USP6NL: variants seen among roughly 807,000 people sequenced by gnomAD.
USP6NL encodes the protein USP6 N-terminal-like protein.
A neutral mutation model predicts 61.9 loss-of-function variants in USP6NL; 26 were observed. The observed-to-expected ratio is 0.42, with a 90% CI of 0.31 to 0.58. USP6NL has a LOEUF of 0.58. Ranked by LOEUF, USP6NL falls within the 20% of genes least tolerant of loss-of-function variation. USP6NL has a pLI of 0.16. For synonymous variants in USP6NL, 432 were observed against 390.1 expected, an observed-to-expected ratio of 1.11 and a Z score of -1.27; for missense variants, 1,114 against 1,034.3, an observed-to-expected ratio of 1.08 and a Z score of -1.06.
In USP6NL at chr10:11,485,235, C is replaced by T; in HGVS notation, c.760-1G>A. 1 of 1,519,338 alleles carries T rather than the reference C, an allele frequency of 6.6e-7. No homozygotes were observed. Among genetic ancestry groups the T allele is most frequent in the Admixed American group, 2.5e-5 (1 of 40,690 alleles). 94.1% of individuals were successfully genotyped at this position (1,519,338 alleles called of 1,614,324 possible). ...AACTTGTGTAGATTTCTTGAGAATCCTGAAAAAACAAAGAGCTCACAATTT... is the reference window on the plus strand; with the variant it reads ...AACTTGTGTAGATTTCTTGAGAATCTTGAAAAAACAAAGAGCTCACAATTT... On this transcript the variant is annotated splice_acceptor_variant, in intron 11 of 14. Transcript: ENST00000609104. LOFTEE classifies it high-confidence loss of function. This position sits in a 1 kb window ranked among gnomAD's most constrained non-coding sequence, Gnocchi z 4.8.
In USP6NL at chr10:11,465,798, C is replaced by T. The variant is rs1215349945; in HGVS notation, c.1079-1949G>A. Among the ~76,000 whole-genome samples, 2 of 152,066 alleles carry T rather than the reference C, an allele frequency of 1.3e-5. No individual in the cohort carries two copies. The highest frequency in any genetic ancestry group is 4.8e-5 in the African/African-American group (2 of 41,376). On this transcript the variant is annotated intron_variant, in intron 14 of 14. Transcript: ENST00000609104. This position sits in a 1 kb window ranked among gnomAD's most constrained non-coding sequence, Gnocchi z 4.5. Reference sequence around the variant, plus strand: ...ATGAGGCGTTTCTAAGGGCAGCTACCCTTAGCTCTATATCCCCAATCTCAA... The same window carrying T: ...ATGAGGCGTTTCTAAGGGCAGCTACTCTTAGCTCTATATCCCCAATCTCAA...
In USP6NL at chr10:11,487,625, G is replaced by C. The variant is rs556794579; in HGVS notation, c.664+1477C>G. Among the ~76,000 whole-genome samples, 14 of 152,074 alleles carry C rather than the reference G, an allele frequency of 9.2e-5. No individual in the cohort carries two copies. The East Asian group carries it at 2.7e-3, about 29-fold the overall frequency. On this transcript the variant is annotated intron_variant, in intron 10 of 14. Transcript: ENST00000609104. The surrounding 1 kb of genome is among the most constrained non-coding windows in gnomAD (Gnocchi z 4.2). Reference sequence around the variant, plus strand: ...GACAGGGAAGAGCGGCTTTCTTCAAGATGCCTTTTGGAATGATACTGCCTA... The same window carrying C: ...GACAGGGAAGAGCGGCTTTCTTCAACATGCCTTTTGGAATGATACTGCCTA...
At chr10:11,480,470 A>G (rs1484593685) in intron 14 of USP6NL, among the ~76,000 whole-genome samples, 1 of 152,282 alleles carries the variant, frequency 6.6e-6, no homozygotes, top group African/African-American at 2.4e-5. Context: ...ATAAATAAAA[A>G]TAAATGATAG....
intron 14 of USP6NL, among the ~76,000 whole-genome samples, chr10:11,467,177 A>C (rs1205245644): frequency 6.6e-6 from 1 of 152,236 alleles, no homozygotes; most frequent in East Asian, 1.9e-4. Flanking sequence ...TAAGAACAAA[A>C]ATGGAGCACC....
At position 11,513,572 on chromosome 10, in the gene USP6NL, T is replaced by A. The variant is rs950561867; in HGVS notation, c.196-3897A>T. ...TGAGACCCACAGATTATTAACCTTT[T>A]GCTAGATTTCATTTATACTATTTAG... On this transcript the variant is annotated intron_variant, in intron 5 of 14. Coordinates refer to ENST00000609104, the MANE Select transcript of USP6NL (RefSeq NM_014688.5). This position sits in a 1 kb window ranked among gnomAD's most constrained non-coding sequence, Gnocchi z 4.7. Among the ~76,000 whole-genome samples, 1 of 152,252 alleles carries A rather than the reference T, an allele frequency of 6.6e-6. No individual in the cohort carries two copies. The highest frequency in any genetic ancestry group is 2.1e-4 in the South Asian group (1 of 4,836).
intron 14 of USP6NL, among the ~76,000 whole-genome samples, chr10:11,480,305 C>T (rs1369346361): frequency 6.6e-6 from 1 of 152,202 alleles, no homozygotes; most frequent in Non-Finnish European, 1.5e-5. Context: ...GATGCTAAGT[C>T]ACCACCATCG....
rs1833040905 is a variant in USP6NL, at chr10:11,478,064, T to A, written c.1078+3706A>T. Among the ~76,000 whole-genome samples, 1 of 152,234 alleles carries A rather than the reference T, an allele frequency of 6.6e-6. No homozygotes were observed. The stretch of plus-strand genomic sequence containing the variant: ...AAGATAACTGATCAAATATATTGGC[T>A]ACAAAAATATTATTAAAAGGATACC... On this transcript the variant is annotated intron_variant, in intron 14 of 14. Coordinates refer to ENST00000609104, the MANE Select transcript of USP6NL (RefSeq NM_014688.5). This position sits in a 1 kb window ranked among gnomAD's most constrained non-coding sequence, Gnocchi z 6.8.
At chr10:11,492,652 ACTCT>A (rs1395505678) in intron 8 of USP6NL, among the ~76,000 whole-genome samples, 22 of 152,166 alleles carry the variant, frequency 1.4e-4, no homozygotes, top group Non-Finnish European at 2.9e-4. Context: ...TCCTGATTAG[ACTCT>A]CTGACTGATA....
intron 2 of USP6NL, among the ~76,000 whole-genome samples, chr10:11,530,707 T>C (rs566655718): frequency 1.6e-4 from 25 of 152,330 alleles, no homozygotes; most frequent in African/African-American, 5.8e-4. Context: ...GCCAAATCTG[T>C]TTCTCTGAGG....
rs1333436634 is a variant in USP6NL at position 11,476,958 on chromosome 10, G to A, written c.1078+4812C>T. Among the ~76,000 whole-genome samples, 12 of 152,014 alleles carry A rather than the reference G, an allele frequency of 7.9e-5. No individual in the cohort carries two copies. The highest frequency in any genetic ancestry group is 2.2e-4 in the African/African-American group (9 of 41,382). On this transcript the variant is annotated intron_variant, in intron 14 of 14. Coordinates refer to ENST00000609104, the MANE Select transcript of USP6NL (RefSeq NM_014688.5). The surrounding 1 kb of genome is among the most constrained non-coding windows in gnomAD (Gnocchi z 4.3). ...GCGATCTTGACTCACTGCAACCTCC[G>A]CCTCCCAGGTTCAAGCAATCCTCCT...
At chr10:11,603,862 A>T (rs980124116) in intron 1 of USP6NL, among the ~76,000 whole-genome samples, 4 of 152,238 alleles carry the variant, frequency 2.6e-5, no homozygotes, top group African/African-American at 9.6e-5. Flanking sequence ...TTATGGACCA[A>T]GAGGTGTAAA....
intron 5 of USP6NL, among the ~76,000 whole-genome samples, chr10:11,512,894 C>T (rs1398374661): frequency 6.6e-6 from 1 of 152,184 alleles, no homozygotes; most frequent in African/African-American, 2.4e-5. Context: ...TGAGTTCTGT[C>T]CCATACTGTT....
At position 11,562,194 on chromosome 10, in the gene USP6NL, G is replaced by A. The variant is rs1359662729; in HGVS notation, c.5-34627C>T. ...ACTTGGGAGGCTGAAGCCGGTAGGC[G>A]GAGGTTGCAGTGAGCCGAGATCGCA... On this transcript the variant is annotated intron_variant, in intron 2 of 14. Transcript: ENST00000609104. This position sits in a 1 kb window ranked among gnomAD's most constrained non-coding sequence, Gnocchi z 4.8. 2.0e-5 allele frequency among the ~76,000 whole-genome samples: 3 copies of A among 151,784 alleles called. No homozygotes were observed. The highest frequency in any genetic ancestry group is 7.3e-5 in the African/African-American group (3 of 41,262).
Position 11,478,610 on chromosome 10 carries a change from T to C in USP6NL, c.1078+3160A>G, listed in dbSNP as rs534806770. Among the ~76,000 whole-genome samples, 3 of 152,166 alleles carry C rather than the reference T, an allele frequency of 2.0e-5. No homozygotes were observed. The highest frequency in any genetic ancestry group is 4.4e-5 in the Non-Finnish European group (3 of 68,030). ...AATAATGAGGGGACATTTGCCCTAA[T>C]AGATATGCAAAGTGTAACTGGAGGC... On this transcript the variant is annotated intron_variant, in intron 14 of 14. Coordinates refer to ENST00000609104, the MANE Select transcript of USP6NL (RefSeq NM_014688.5). The surrounding 1 kb of genome is among the most constrained non-coding windows in gnomAD (Gnocchi z 6.8).
intron 6 of USP6NL, among the ~76,000 whole-genome samples, chr10:11,505,952 C>T (rs1342396238): frequency 2.6e-5 from 4 of 152,128 alleles, no homozygotes; most frequent in Non-Finnish European, 4.4e-5. Flanking sequence ...ACAGGTCTCC[C>T]AAATCTGCAT....
Position 11,463,032 on chromosome 10 carries a change from G to A in USP6NL, c.1896C>T (p.Tyr632=), listed in dbSNP as rs760545654. The A allele has an allele frequency of 6.2e-7, 1 of 1,613,970 alleles. No individual in the cohort carries two copies. Among genetic ancestry groups the A allele is most frequent in the South Asian group, 1.1e-5 (1 of 91,086 alleles). ...TTCCGTGGTAAACGGGGGGATTGCT[G>A]TAGGAGGGGGGATGAGCTAGCCCTC... ...EARGLAHPPS[Y]SNPPVYHGNS... The change falls in exon 15 of 15, where the codon TAC becomes TAT. Residue 632 remains tyrosine (Y), a synonymous_variant. Transcript: ENST00000609104. This position sits in a 1 kb window ranked among gnomAD's most constrained non-coding sequence, Gnocchi z 6.3.
Position 11,553,725 on chromosome 10 carries a change from G to A in USP6NL, c.5-26158C>T, listed in dbSNP as rs537389060. On this transcript the variant is annotated intron_variant, in intron 2 of 14. Transcript: ENST00000609104. The surrounding 1 kb of genome is among the most constrained non-coding windows in gnomAD (Gnocchi z 4.8). Reference sequence around the variant, plus strand: ...AGCCTGACCAACATGATGAAACCCCGTCTCTACTAAAAATACAAAAATTAG... The same window carrying A: ...AGCCTGACCAACATGATGAAACCCCATCTCTACTAAAAATACAAAAATTAG... Among the ~76,000 whole-genome samples the A allele has an allele frequency of 5.9e-5, 9 of 151,780 alleles. No individual in the cohort carries two copies. Among genetic ancestry groups the A allele is most frequent in the Non-Finnish European group, 1.3e-4 (9 of 67,948 alleles).
intron 7 of USP6NL, among the ~76,000 whole-genome samples, chr10:11,500,574 A>G (rs1282272551): frequency 1.3e-5 from 2 of 152,200 alleles, no homozygotes; most frequent in Non-Finnish European, 2.9e-5. Flanking sequence ...ATTATTACTC[A>G]GTCAAAAGTT....
In USP6NL at chr10:11,470,494, C is replaced by A. The variant is rs1216587473; in HGVS notation, c.1079-6645G>T. ...CATCATGCAGACCCTGTAAGAAGGA[C>A]GAATGCCATCACCAGTAACATTTTT... On this transcript the variant is annotated intron_variant, in intron 14 of 14. Coordinates refer to ENST00000609104, the MANE Select transcript of USP6NL (RefSeq NM_014688.5). This position sits in a 1 kb window ranked among gnomAD's most constrained non-coding sequence, Gnocchi z 5.4. Among the ~76,000 whole-genome samples the A allele has an allele frequency of 1.3e-5, 2 of 152,162 alleles. No individual in the cohort carries two copies.
Sources: allele counts gnomAD v4.1 joint callset (sites outside exome capture counted in the v4.1 genomes callset), GRCh38; gene constraint gnomAD v4.1.1; non-coding constraint Gnocchi (gnomAD v3.1); transcripts MANE v1.5; gene names NCBI Gene and HGNC (gene_info 2026-07-23, HGNC 2026-07-21).